The following CPNE8 variants were observed in gnomAD, a reference collection of about 807,000 sequenced individuals.
The protein encoded by CPNE8 is copine 8, also known as copine-8.
A neutral mutation model predicts 81.5 loss-of-function variants in CPNE8; 45 were observed. The ratio of observed to expected loss-of-function variants is 0.55; its 90% CI spans 0.44 to 0.71. CPNE8 has a LOEUF of 0.71. CPNE8 is among the 30% of genes least tolerant of loss of function. CPNE8 has a pLI of 0.00. For missense variants in CPNE8, 594 were observed against 672.1 expected (o/e 0.88, Z 1.28); for synonymous variants, 252 against 226.3 (o/e 1.11, Z -1.02).
rs144904677 is a variant in CPNE8 at position 38,820,265 on chromosome 12, C to A, written c.407+9114G>T. On this transcript the variant is annotated intron_variant, in intron 6 of 19. Transcript: ENST00000331366. The stretch of plus-strand genomic sequence containing the variant: ...ACTAAAAATACAAAAATTAGCCGGG[C>A]GTGGTGATGTGCACCTATAATCCTG... Among the ~76,000 whole-genome samples, 71 of 151,902 alleles carry A rather than the reference C, an allele frequency of 4.7e-4. No homozygotes were observed. In the East Asian group the frequency reaches 0.013, roughly 28 times the overall value.
chr12:38,843,772 C>T (rs774966628), intron 4 of CPNE8, among the ~76,000 whole-genome samples: 7 of 152,180 alleles, frequency 4.6e-5, no homozygotes, highest in South Asian at 2.1e-4. Context: ...ATTTTTTGGA[C>T]GGTAGGAGAC....
At chr12:38,673,808 A>T (rs1165789166) in intron 18 of CPNE8, among the ~76,000 whole-genome samples, 1 of 151,962 alleles carries the variant, frequency 6.6e-6, no homozygotes, top group Non-Finnish European at 1.5e-5. Flanking sequence ...ACTGAGCTTG[A>T]ATCACTCTCA....
intron 4 of CPNE8, among the ~76,000 whole-genome samples, chr12:38,841,542 T>C (rs1317073588): frequency 1.3e-5 from 2 of 152,098 alleles, no homozygotes; most frequent in Admixed American, 6.6e-5. Context: ...AGTAGTTATT[T>C]GGGGTAAGGC....
Position 38,849,484 on chromosome 12 carries a change from A to AAT in CPNE8, c.187-823_187-822insAT, listed in dbSNP as rs1249628010. On this transcript the variant is annotated intron_variant, in intron 3 of 19. Coordinates refer to ENST00000331366, the MANE Select transcript of CPNE8 (RefSeq NM_153634.3). ...TCTGAGCAATATTAGGCAATGAAGC[A>AAT]TGCTGTCTTATCACAAACCAACTTT... Among the ~76,000 whole-genome samples, 4 of 152,240 alleles carry AAT rather than the reference A, an allele frequency of 2.6e-5. No individual in the cohort carries two copies. In the East Asian group the frequency reaches 5.8e-4, roughly 22 times the overall value.
intron 6 of CPNE8, among the ~76,000 whole-genome samples, chr12:38,797,281 T>A (rs1942511495): frequency 6.6e-6 from 1 of 152,150 alleles, no homozygotes; most frequent in Non-Finnish European, 1.5e-5. Context: ...CCGAGCAGCC[T>A]AACTGGGAGG....
intron 6 of CPNE8, among the ~76,000 whole-genome samples, chr12:38,807,199 G>T (rs1028835049): frequency 2.3e-4 from 34 of 150,812 alleles, no homozygotes; most frequent in African/African-American, 8.0e-4. Context: ...TAGATTCAAT[G>T]CCATTCCCAT....
intron 1 of CPNE8, among the ~76,000 whole-genome samples, chr12:38,902,415 GAAAA>G (rs371700267): frequency 0.045 from 4,253 of 95,550 alleles, 182 homozygotes; most frequent in Non-Finnish European, 0.059. Flanking sequence ...AAGAAAGAAA[GAAAA>G]AGAAAGAAAG....
At chr12:38,819,755 A>G (rs764254819) in intron 6 of CPNE8, among the ~76,000 whole-genome samples, 59 of 138,168 alleles carry the variant, frequency 4.3e-4, no homozygotes, top group Non-Finnish European at 7.0e-4. Flanking sequence ...TGACAGAGCA[A>G]GACTCCGTCT....
chr12:38,889,039 C>T (rs1413519861), intron 1 of CPNE8, among the ~76,000 whole-genome samples: 1 of 152,202 alleles, frequency 6.6e-6, no homozygotes, highest in Non-Finnish European at 1.5e-5. Flanking sequence ...CTGAATAAGA[C>T]ATGATTCTTA....
chr12:38,838,330 C>A (rs1301258920), intron 5 of CPNE8, among the ~76,000 whole-genome samples: 2 of 152,050 alleles, frequency 1.3e-5, no homozygotes, highest in Non-Finnish European at 2.9e-5. Context: ...AATATGTGGC[C>A]TGAGAGAGAG....
intron 1 of CPNE8, among the ~76,000 whole-genome samples, chr12:38,875,586 C>T (rs889358826): frequency 3.3e-5 from 5 of 152,050 alleles, no homozygotes; most frequent in Admixed American, 1.3e-4. Context: ...CTGAAAAGTC[C>T]CTTTTTCATA....
At chr12:38,705,720 G>A (rs930577714) in intron 13 of CPNE8, among the ~76,000 whole-genome samples, 4 of 152,060 alleles carry the variant, frequency 2.6e-5, no homozygotes, top group African/African-American at 9.7e-5. Flanking sequence ...ATGGCAGTAA[G>A]GTAGATTAGA....
At chr12:38,728,267 G>T (rs997778575) in intron 11 of CPNE8, among the ~76,000 whole-genome samples, 1 of 152,120 alleles carries the variant, frequency 6.6e-6, no homozygotes, top group African/African-American at 2.4e-5. Context: ...GCAGATATGG[G>T]ATTTATTAAA....
intron 1 of CPNE8, among the ~76,000 whole-genome samples, chr12:38,886,545 T>C (rs983745578): frequency 6.6e-6 from 1 of 152,210 alleles, no homozygotes; most frequent in Non-Finnish European, 1.5e-5. Context: ...CACAGATTTA[T>C]TGGGCATGTA....
At chr12:38,790,898 T>C (rs1042772977) in intron 6 of CPNE8, among the ~76,000 whole-genome samples, 2 of 151,692 alleles carry the variant, frequency 1.3e-5, no homozygotes, top group African/African-American at 4.8e-5. Context: ...TTTTGTAACA[T>C]TCTCCATATC....
intron 10 of CPNE8, among the ~76,000 whole-genome samples, chr12:38,751,940 C>T (rs1300968059): frequency 6.6e-6 from 1 of 152,138 alleles, no homozygotes; most frequent in Non-Finnish European, 1.5e-5. Context: ...CTACGCTGCT[C>T]TCTTTACTGT....
intron 4 of CPNE8, among the ~76,000 whole-genome samples, chr12:38,843,163 C>T (rs1170287153): frequency 6.6e-6 from 1 of 152,140 alleles, no homozygotes; most frequent in Non-Finnish European, 1.5e-5. Flanking sequence ...CCATTGAAAC[C>T]TTATTACTAC....
chr12:38,709,494 C>A (rs1940193845), intron 13 of CPNE8, among the ~76,000 whole-genome samples: 1 of 152,128 alleles, frequency 6.6e-6, no homozygotes, highest in African/African-American at 2.4e-5. Flanking sequence ...TTCACGTGAT[C>A]TTGAAAAAAC....
rs187250482 is a variant in CPNE8 at position 38,788,747 on chromosome 12, T to C, written c.408-12446A>G. ...TGCCACACAAAAAAACTATTAGAAT[T>C]GATAATTCAGTAAATTGAAGGATAT... is the stretch of plus-strand genomic sequence containing the variant. On this transcript the variant is annotated intron_variant, in intron 6 of 19. Transcript: ENST00000331366. Among the ~76,000 whole-genome samples, 10 of 151,948 alleles carry C rather than the reference T, an allele frequency of 6.6e-5. No individual in the cohort carries two copies. In the East Asian group the frequency reaches 1.9e-3, roughly 29 times the overall value.
Sources: allele counts gnomAD v4.1 joint callset (sites outside exome capture counted in the v4.1 genomes callset), GRCh38; gene constraint gnomAD v4.1.1; transcripts MANE v1.5; gene names NCBI Gene and HGNC (gene_info 2026-07-23, HGNC 2026-07-21).